The following TGFBR3 variants were observed in gnomAD, a reference collection of about 807,000 sequenced individuals.
The protein encoded by TGFBR3 is transforming growth factor beta receptor 3.
In TGFBR3, 46 loss-of-function variants were observed where a neutral mutation model predicts 87.9. That is an observed-to-expected ratio of 0.52 (90% confidence interval 0.41 to 0.67). TGFBR3 has a LOEUF of 0.67. TGFBR3 is among the 30% of genes least tolerant of loss of function. TGFBR3 has a pLI of 0.00. For missense variants in TGFBR3, 866 were observed against 1,041.9 expected (o/e 0.83, Z 2.32); for synonymous variants, 381 against 391.6 (o/e 0.97, Z 0.32).
intron 1 of TGFBR3, among the ~76,000 whole-genome samples, chr1:91,877,716 T>C (rs1275248972): frequency 6.6e-6 from 1 of 152,222 alleles, no homozygotes; most frequent in Non-Finnish European, 1.5e-5. Flanking sequence ...AAAAACATGA[T>C]ACATCCAATG....
chr1:91,886,213 C>A (rs1214332917), upstream of TGFBR3: 5 of 452,146 alleles, frequency 1.1e-5, no homozygotes, highest in Non-Finnish European at 2.2e-5. Context: ...CGGGGACGGG[C>A]AGGACGCCAC....
Position 91,683,338 on chromosome 1 carries a change from A to C in TGFBR3, c.*401T>G, listed in dbSNP as rs764740196. Reference sequence around the variant, plus strand: ...GCCGCATCTCCTCACTGGTTCTACTATCTGGCTATTAACCCTTTACCAACT... The same window carrying C: ...GCCGCATCTCCTCACTGGTTCTACTCTCTGGCTATTAACCCTTTACCAACT... On this transcript the variant is annotated 3_prime_UTR_variant, in exon 17 of 17. Coordinates refer to ENST00000212355, the MANE Select transcript of TGFBR3 (RefSeq NM_003243.5). 19 of 471,754 alleles carry C rather than the reference A, an allele frequency of 4.0e-5. No homozygotes were observed. Among genetic ancestry groups the C allele is most frequent in the Non-Finnish European group, 8.0e-5 (19 of 238,700 alleles). The allele number at this position is 471,754 out of a possible 1,614,324, so 29.2% of individuals were successfully genotyped here.
chr1:91,843,696 G>A (rs987424095), intron 2 of TGFBR3, among the ~76,000 whole-genome samples: 1 of 152,138 alleles, frequency 6.6e-6, no homozygotes, highest in Admixed American at 6.5e-5. Context: ...TGAGGACACT[G>A]AGCCTGTGGT....
At chr1:91,716,774 T>G in intron 10 of TGFBR3, 66 bp from the exon 11 acceptor site, 1 of 1,574,816 alleles carries the variant, frequency 6.3e-7, no homozygotes. Flanking sequence ...TGGTTCTGCC[T>G]CACACAAACA....
intron 11 of TGFBR3, 33 bp from the exon 12 acceptor site, chr1:91,716,427 C>T (rs377149982): frequency 1.4e-5 from 23 of 1,614,004 alleles, no homozygotes; most frequent in East Asian, 4.5e-5. Context: ...AGATTAATGA[C>T]AGTCATATGA....
At chr1:91,722,232 T>A in intron 7 of TGFBR3, 88 bp from the exon 8 acceptor site, 1 of 1,089,666 alleles carries the variant, frequency 9.2e-7, no homozygotes, top group Admixed American at 2.1e-5. Flanking sequence ...ATAAGTAGAT[T>A]CTATATTGTA....
chr1:91,745,409 A>AG (rs1184860895), intron 4 of TGFBR3, among the ~76,000 whole-genome samples: 3 of 152,234 alleles, frequency 2.0e-5, no homozygotes, highest in African/African-American at 7.2e-5. Context: ...GCTCAGTTCC[A>AG]GGGGGAAAAG....
intron 2 of TGFBR3, among the ~76,000 whole-genome samples, chr1:91,856,273 A>G (rs576975944): frequency 1.6e-4 from 24 of 152,162 alleles, no homozygotes; most frequent in Admixed American, 3.3e-4. Context: ...TCACCGTGTT[A>G]GCCAGGATGG....
chr1:91,814,983 T>C (rs915954308), intron 2 of TGFBR3, among the ~76,000 whole-genome samples: 1 of 152,178 alleles, frequency 6.6e-6, no homozygotes, highest in African/African-American at 2.4e-5. Flanking sequence ...AAATCTCTAC[T>C]ATACTGTGAG....
intron 3 of TGFBR3, among the ~76,000 whole-genome samples, chr1:91,778,851 G>A (rs1674666071): frequency 6.6e-6 from 1 of 152,164 alleles, no homozygotes; most frequent in African/African-American, 2.4e-5. Flanking sequence ...AAGTAAAACA[G>A]TAAAAGAGAG....
intron 1 of TGFBR3, chr1:91,861,942 G>A (rs1280642660): frequency 3.8e-5 from 9 of 238,890 alleles, no homozygotes; most frequent in African/African-American, 7.5e-5. Context: ...TGCAACCTCC[G>A]CCTCCTGGGT....
rs1672017590 is a variant in TGFBR3, at chr1:91,712,471, G to T, written c.1938C>A (p.Asn646Lys). 6.2e-7 allele frequency: 1 copy of T among 1,614,180 alleles called. No homozygotes were observed. Among genetic ancestry groups the T allele is most frequent in the Admixed American group, 1.7e-5 (1 of 60,032 alleles). The change falls in exon 13 of 17, where the codon AAC (asparagine) becomes AAA (lysine). Residue 646 changes from asparagine to lysine, a missense_variant. Asn to Lys is a moderately conservative substitution (Grantham distance 94). Transcript: ENST00000212355. Reference protein sequence around the residue: ...IQTCFISPYSNPDRMSHYTII... With the variant: ...IQTCFISPYSKPDRMSHYTII... ...TGGTGTAATGAGACATCCTATCAGG[G>T]TTCGAATATGGAGAGATAAAGCACG... is the stretch of plus-strand genomic sequence containing the variant.
chr1:91,861,551 C>G lies in TGFBR3; in HGVS notation c.-20G>C. ...AGTCATTTTTATTTCTCCAACAGTGCGTCTCGTCCAGTCACTTCAGCCTGC... is the reference window on the plus strand; with the variant it reads ...AGTCATTTTTATTTCTCCAACAGTGGGTCTCGTCCAGTCACTTCAGCCTGC... On this transcript the variant is annotated 5_prime_UTR_variant, in exon 2 of 17. Coordinates refer to ENST00000212355, the MANE Select transcript of TGFBR3 (RefSeq NM_003243.5). 6.2e-7 allele frequency: 1 copy of G among 1,606,418 alleles called. No individual in the cohort carries two copies. The highest frequency in any genetic ancestry group is 8.5e-7 in the Non-Finnish European group (1 of 1,173,068).
intron 12 of TGFBR3, among the ~76,000 whole-genome samples, chr1:91,714,843 T>G (rs544139043): frequency 6.6e-6 from 1 of 152,268 alleles, no homozygotes; most frequent in Admixed American, 6.5e-5. Flanking sequence ...CAGTATATTT[T>G]CCCCAATGGA....
At chr1:91,850,981 G>T (rs1235445724) in intron 2 of TGFBR3, among the ~76,000 whole-genome samples, 2 of 152,074 alleles carry the variant, frequency 1.3e-5, no homozygotes, top group African/African-American at 4.8e-5. Context: ...GAGGACAAAA[G>T]GAAGCAAAAC....
chr1:91,750,611 C>T (rs1456604370), intron 4 of TGFBR3, among the ~76,000 whole-genome samples: 1 of 152,134 alleles, frequency 6.6e-6, no homozygotes, highest in Admixed American at 6.5e-5. Context: ...ATGAGTCATT[C>T]CACAAGAGAC....
intron 4 of TGFBR3, among the ~76,000 whole-genome samples, chr1:91,738,115 C>T (rs1425700521): frequency 6.6e-6 from 1 of 152,216 alleles, no homozygotes; most frequent in East Asian, 1.9e-4. Context: ...CTTCCCGGTG[C>T]TACAGCAGCC....
intron 7 of TGFBR3, 58 bp downstream of exon 7, chr1:91,727,601 C>T (rs1002892080): frequency 1.2e-6 from 2 of 1,602,400 alleles, no homozygotes; most frequent in Non-Finnish European, 1.7e-6. Context: ...TTATAAAGTA[C>T]AGCTTAAATT....
chr1:91,722,092 G>C lies in TGFBR3; in HGVS notation c.938C>G (p.Thr313Ser). Residue 313 changes from threonine (T) to serine (S), a missense_variant, in exon 8 of 17, where the codon ACC becomes AGC. By Grantham distance (58) the Thr-to-Ser change is moderately conservative. Transcript: ENST00000212355. ...GKESERSMTM[T>S]KSIRDDIPST... ...AGGAATGTCATCTCTTATTGATTTG[G>C]TCATTGTCATAGATCTTTCACTCTC... 2 of 1,613,812 alleles carry C rather than the reference G, an allele frequency of 1.2e-6. No individual in the cohort carries two copies. Among genetic ancestry groups the C allele is most frequent in the Non-Finnish European group, 1.7e-6 (2 of 1,179,894 alleles).
Sources: gnomAD v4.1 joint callset for allele counts (sites outside exome capture counted in the v4.1 genomes callset) on GRCh38, gnomAD v4.1.1 for gene constraint, MANE v1.5 for transcripts, NCBI Gene and HGNC (gene_info 2026-07-23, HGNC 2026-07-21) for gene names.